PLAGL1: variants seen among roughly 807,000 people sequenced by gnomAD.
PLAGL1 encodes zinc finger protein PLAGL1.
In PLAGL1, 1 loss-of-function variant was observed where a neutral mutation model predicts 4.6. The observed-to-expected ratio is 0.22, with a 90% CI of 0.08 to 1.03. PLAGL1 has a LOEUF of 1.03. Among genes scored for constraint, PLAGL1 ranks in the 50% least tolerant of loss-of-function variants. PLAGL1 has a pLI of 0.58. For synonymous variants in PLAGL1, 240 were observed against 237.8 expected (o/e 1.01, Z -0.08); for missense variants, 464 against 570.4 (o/e 0.81, Z 1.90).
Position 144,055,794 on chromosome 6 carries a change from G to A in PLAGL1, c.-151+8674C>T, listed in dbSNP as rs1339050312. Among the ~76,000 whole-genome samples, 1 of 152,140 alleles carries A rather than the reference G, an allele frequency of 6.6e-6. No homozygotes were observed. Among genetic ancestry groups the A allele is most frequent in the Non-Finnish European group, 1.5e-5 (1 of 68,024 alleles). On this transcript the variant is annotated intron_variant, in intron 1 of 3. Coordinates refer to the PLAGL1 transcript ENST00000437412. This position sits in a 1 kb window ranked among gnomAD's most constrained non-coding sequence, Gnocchi z 5.0. ...ACATTATTAACGATAACAAGTCCTG[G>A]AAGAAAGAACCTCATCCCCATGAAC... is the stretch of plus-strand genomic sequence containing the variant.
At chr6:144,032,512 G>A (rs781632323) in intron 1 of PLAGL1, among the ~76,000 whole-genome samples, 5 of 152,024 alleles carry the variant, frequency 3.3e-5, no homozygotes, top group Admixed American at 6.5e-5. Context: ...GTAAAATAGT[G>A]TCATAATTTC....
At chr6:144,046,478 C>G (rs375318016) in intron 1 of PLAGL1, among the ~76,000 whole-genome samples, 5 of 152,196 alleles carry the variant, frequency 3.3e-5, no homozygotes, top group Non-Finnish European at 5.9e-5. Flanking sequence ...TGCTGGAGGT[C>G]TACTCCAGAC....
rs1256949086 is a variant in PLAGL1, at chr6:143,955,614, G to A, written c.-325+4855C>T. On this transcript the variant is annotated intron_variant, in intron 6 of 7. Coordinates refer to ENST00000674357, the MANE Select transcript of PLAGL1 (RefSeq NM_001317162.2). This position sits in a 1 kb window ranked among gnomAD's most constrained non-coding sequence, Gnocchi z 4.9. ...GAGCCTCAAAGGGCCACAGAAAACT[G>A]ACAAAACCAAACTACCAAGGGGAAA... 6.6e-6 allele frequency among the ~76,000 whole-genome samples: 1 copy of A among 152,100 alleles called. No homozygotes were observed. Among genetic ancestry groups the A allele is most frequent in the African/African-American group, 2.4e-5 (1 of 41,414 alleles).
intron 1 of PLAGL1, among the ~76,000 whole-genome samples, chr6:144,047,425 C>T (rs1050245563): frequency 1.3e-5 from 2 of 152,132 alleles, no homozygotes; most frequent in African/African-American, 4.8e-5. Flanking sequence ...TCTCACATTG[C>T]TATAAAAATC....
rs1467935793 is a variant in PLAGL1, at chr6:144,036,953, C to T, written c.-151+27515G>A. 1 of 174,372 alleles carries T rather than the reference C, an allele frequency of 5.7e-6. No individual in the cohort carries two copies. Among genetic ancestry groups the T allele is most frequent in the African/African-American group, 2.4e-5 (1 of 41,666 alleles). The allele number at this position is 174,372 out of a possible 1,614,324, so 10.8% of individuals were successfully genotyped here. A position where few individuals can be genotyped will look rare whatever the true frequency, so the allele number is the denominator to read the frequency against. On this transcript the variant is annotated intron_variant, in intron 1 of 3. Transcript: ENST00000437412. The surrounding 1 kb of genome is among the most constrained non-coding windows in gnomAD (Gnocchi z 5.1). ...CCTGGAGAGAGGCAGAAAGTGATTACACCACCTTCATTTGCACATGGAAAG... is the reference window on the plus strand; with the variant it reads ...CCTGGAGAGAGGCAGAAAGTGATTATACCACCTTCATTTGCACATGGAAAG...
rs1799382903 is a variant in PLAGL1, at chr6:144,061,304, C to A, written c.-151+3164G>T. On this transcript the variant is annotated intron_variant, in intron 1 of 3. Transcript: ENST00000437412. This position sits in a 1 kb window ranked among gnomAD's most constrained non-coding sequence, Gnocchi z 4.4. ...AGCCATATGACGTTAGCAAGTCAGT[C>A]TCTTCCAATTCCAATTTCTTTCTAC... 6.6e-6 allele frequency among the ~76,000 whole-genome samples: 1 copy of A among 152,234 alleles called. No homozygotes were observed. The highest frequency in any genetic ancestry group is 1.5e-5 in the Non-Finnish European group (1 of 68,042).
At chr6:144,017,146 T>C (rs1305469351) in intron 1 of PLAGL1, among the ~76,000 whole-genome samples, 1 of 152,208 alleles carries the variant, frequency 6.6e-6, no homozygotes, top group Non-Finnish European at 1.5e-5. Flanking sequence ...TGCTTAGATT[T>C]AATTTTCTCT....
chr6:144,030,871 A>ATCAAATGGTAGATCTACTTTTAGT (rs777298336), intron 1 of PLAGL1, among the ~76,000 whole-genome samples: 1 of 152,226 alleles, frequency 6.6e-6, no homozygotes, highest in Non-Finnish European at 1.5e-5. Flanking sequence ...GGAATTGCGG[A>ATCAAATGGTAGATCTACTTTTAGT]TCAAATGGTA....
At chr6:144,023,768 CTTTTTTTTTTTTTTTT>C (rs34002736) in intron 1 of PLAGL1, among the ~76,000 whole-genome samples, 1 of 72,638 alleles carries the variant, frequency 1.4e-5, no homozygotes, top group South Asian at 5.5e-4. Context: ...TCATATTTAG[CTTTTTTTTTTTTTTTT>C]TTTTTTTTTT....
rs1307912171 is a variant in PLAGL1, at chr6:143,942,279, T to C, written c.537A>G (p.Thr179=). ...KDVRRHLVVH[T]GCKDFLCQFC... ...ACTGGCACAGGAAGTCCTTGCATCC[T>C]GTGTGGACCACCAGGTGGCGTCGCA... The change falls in exon 8 of 8, where the codon ACA becomes ACG. Residue 179 remains threonine, a synonymous_variant. Transcript: ENST00000674357. The surrounding 1 kb of genome is among the most constrained non-coding windows in gnomAD (Gnocchi z 7.6). The C allele has an allele frequency of 1.9e-6, 3 of 1,614,128 alleles. No homozygotes were observed. The South Asian group carries it at 3.3e-5, about 18-fold the overall frequency.
chr6:144,011,497 C>T (rs1466386877), upstream of PLAGL1, among the ~76,000 whole-genome samples: 1 of 152,108 alleles, frequency 6.6e-6, no homozygotes, highest in African/African-American at 2.4e-5. This position sits in a 1 kb window ranked among gnomAD's most constrained non-coding sequence, Gnocchi z 4.3. Context: ...CTTTAGTATT[C>T]TTATCTGGGC....
chr6:144,052,726 C>T (rs1193157673), intron 1 of PLAGL1, among the ~76,000 whole-genome samples: 2 of 151,682 alleles, frequency 1.3e-5, no homozygotes, highest in South Asian at 4.2e-4. Flanking sequence ...AACTACTAAA[C>T]CAAAAAAAGA....
At position 143,950,773 on chromosome 6, in the gene PLAGL1, A is replaced by G. The variant is rs1192880943; in HGVS notation, c.-324-2313T>C. On this transcript the variant is annotated intron_variant, in intron 6 of 7. Transcript: ENST00000674357. This position sits in a 1 kb window ranked among gnomAD's most constrained non-coding sequence, Gnocchi z 6.3. ...GTTGATTCTCCCCAATTCTTGCTTT[A>G]TGAGATGACTGGCATGTCCAACAGA... Among the ~76,000 whole-genome samples, 1 of 152,164 alleles carries G rather than the reference A, an allele frequency of 6.6e-6. No homozygotes were observed. Among genetic ancestry groups the G allele is most frequent in the African/African-American group, 2.4e-5 (1 of 41,440 alleles).
chr6:143,993,373 T>G (rs1790952965), intron 1 of PLAGL1, among the ~76,000 whole-genome samples: 1 of 99,560 alleles, frequency 1.0e-5, no homozygotes, highest in Non-Finnish European at 2.2e-5. Context: ...CACACACAAT[T>G]GACATGTGTA....
rs1035424277 is a variant in PLAGL1, at chr6:143,994,480, C to T, written c.-583-9306G>A. ...CGTATGACACTGATTTTACACTCTG[C>T]AGAAGTGCGGACAGATTTAACAAGG... On this transcript the variant is annotated intron_variant, in intron 1 of 7. Coordinates refer to ENST00000674357, the MANE Select transcript of PLAGL1 (RefSeq NM_001317162.2). The surrounding 1 kb of genome is among the most constrained non-coding windows in gnomAD (Gnocchi z 4.3). Among the ~76,000 whole-genome samples the T allele has an allele frequency of 6.6e-6, 1 of 152,170 alleles. No individual in the cohort carries two copies. Among genetic ancestry groups the T allele is most frequent in the Non-Finnish European group, 1.5e-5 (1 of 68,020 alleles).
At chr6:144,033,955 G>T (rs1797024107) in intron 1 of PLAGL1, among the ~76,000 whole-genome samples, 1 of 152,162 alleles carries the variant, frequency 6.6e-6, no homozygotes, top group African/African-American at 2.4e-5. Context: ...AAACACTCAA[G>T]AATGTAGAAG....
At chr6:144,029,513 T>C (rs1053042958) in intron 1 of PLAGL1, among the ~76,000 whole-genome samples, 1 of 152,212 alleles carries the variant, frequency 6.6e-6, no homozygotes, top group East Asian at 1.9e-4. Context: ...GCTCATTTCG[T>C]GAAGAATAGA....
intron 1 of PLAGL1, among the ~76,000 whole-genome samples, chr6:144,014,542 G>C (rs757971732): frequency 3.9e-5 from 6 of 152,130 alleles, no homozygotes; most frequent in Non-Finnish European, 7.4e-5. Flanking sequence ...AGTGTATTGA[G>C]TCCAGAAATA....
chr6:144,017,312 CAG>C (rs1321886598), intron 1 of PLAGL1, among the ~76,000 whole-genome samples: 1 of 152,084 alleles, frequency 6.6e-6, no homozygotes, highest in Non-Finnish European at 1.5e-5. Flanking sequence ...AATCTTGGCT[CAG>C]AGGATTCCTG....
Sources: gnomAD v4.1 joint callset for allele counts (sites outside exome capture counted in the v4.1 genomes callset) on GRCh38, gnomAD v4.1.1 for gene constraint, Gnocchi (gnomAD v3.1) non-coding constraint, MANE v1.5 for transcripts, NCBI Gene and HGNC (gene_info 2026-07-23, HGNC 2026-07-21) for gene names.